The following ALK variants were observed in gnomAD, a reference collection of about 807,000 sequenced individuals.
The protein encoded by ALK is ALK receptor tyrosine kinase.
In ALK, 74 loss-of-function variants were observed where a neutral mutation model predicts 163.1. The ratio of observed to expected loss-of-function variants is 0.45; its 90% CI spans 0.38 to 0.55. The LOEUF is 0.55. ALK is among the 20% of genes least tolerant of loss of function. The pLI, the probability that ALK is intolerant of heterozygous loss-of-function variation, is 0.00. For synonymous variants in ALK, 960 were observed against 843.2 expected, an observed-to-expected ratio of 1.14 and a Z score of -2.40; for missense variants, 2,063 against 2,105.3, an observed-to-expected ratio of 0.98 and a Z score of 0.39.
chr2:29,703,582 T>C (rs902629661), intron 2 of ALK, among the ~76,000 whole-genome samples: 2 of 152,206 alleles, frequency 1.3e-5, no homozygotes, highest in African/African-American at 2.4e-5. Flanking sequence ...CCAAAGCACA[T>C]TGGCTGATTC....
At chr2:29,355,768 A>T (rs1439342482) in intron 5 of ALK, among the ~76,000 whole-genome samples, 1 of 151,610 alleles carries the variant, frequency 6.6e-6, no homozygotes, top group African/African-American at 2.4e-5. Flanking sequence ...CTTGCTCCAC[A>T]CTCTGTCCAT....
chr2:29,523,455 G>A (rs996659277), intron 4 of ALK, among the ~76,000 whole-genome samples: 1 of 152,146 alleles, frequency 6.6e-6, no homozygotes, highest in African/African-American at 2.4e-5. Flanking sequence ...GCCTGGGACT[G>A]AGCATGACTC....
chr2:29,428,219 C>T (rs1004882029), intron 4 of ALK, among the ~76,000 whole-genome samples: 2 of 151,678 alleles, frequency 1.3e-5, no homozygotes, highest in Admixed American at 6.6e-5. Flanking sequence ...CCTTAAGATA[C>T]CAGAAAAATA....
Position 29,334,541 on chromosome 2 carries a change from T to C in ALK, c.1283-6060A>G, listed in dbSNP as rs1276760005. Among the ~76,000 whole-genome samples, 18 of 152,332 alleles carry C rather than the reference T, an allele frequency of 1.2e-4. No individual in the cohort carries two copies. The South Asian group carries it at 3.5e-3, about 30-fold the overall frequency. Reference sequence around the variant, plus strand: ...GGCATGGAAGGTCAGGCTGTCAGCATCCCTGCCCTTCACCCACACACCTTG... The same window carrying C: ...GGCATGGAAGGTCAGGCTGTCAGCACCCCTGCCCTTCACCCACACACCTTG... On this transcript the variant is annotated intron_variant, in intron 5 of 28. Transcript: ENST00000389048.
chr2:29,675,106 C>T (rs1285713665), intron 3 of ALK, among the ~76,000 whole-genome samples: 1 of 151,846 alleles, frequency 6.6e-6, no homozygotes, highest in African/African-American at 2.4e-5. Context: ...AGGACATTTT[C>T]TATGCCTAAA....
At chr2:29,869,014 C>T (rs1427740083) in intron 1 of ALK, among the ~76,000 whole-genome samples, 3 of 152,214 alleles carry the variant, frequency 2.0e-5, no homozygotes, top group Non-Finnish European at 4.4e-5. Flanking sequence ...CTGATAGCTA[C>T]TGCTGACCAG....
chr2:29,691,748 C>T lies in ALK; in HGVS notation c.952+3102G>A, dbSNP rs563517861. On this transcript the variant is annotated intron_variant, in intron 3 of 28. Coordinates refer to ENST00000389048, the MANE Select transcript of ALK (RefSeq NM_004304.5). Reference sequence around the variant, plus strand: ...ACTCAGTGTATTGTGCGCATGTCAGCGATCACAGGTGGAGGAGGAGAAACA... The same window carrying T: ...ACTCAGTGTATTGTGCGCATGTCAGTGATCACAGGTGGAGGAGGAGAAACA... Among the ~76,000 whole-genome samples the T allele has an allele frequency of 8.5e-5, 13 of 152,180 alleles. No individual in the cohort carries two copies. In the East Asian group the frequency reaches 1.9e-3, roughly 23 times the overall value.
intron 2 of ALK, 34 bp from the exon 3 acceptor site, chr2:29,695,048 CA>C: frequency 1.9e-6 from 3 of 1,613,638 alleles, no homozygotes; most frequent in Non-Finnish European, 2.5e-6. Flanking sequence ...TGGAAAAAAC[CA>C]TTTCCCAAAC....
intron 1 of ALK, among the ~76,000 whole-genome samples, chr2:29,871,093 C>T (rs561952264): frequency 1.3e-5 from 2 of 152,262 alleles, no homozygotes; most frequent in South Asian, 2.1e-4. Context: ...CTGGTCAACA[C>T]GCATGAACCT....
At chr2:29,847,022 T>C (rs1315544848) in intron 1 of ALK, among the ~76,000 whole-genome samples, 1 of 152,094 alleles carries the variant, frequency 6.6e-6, no homozygotes, top group African/African-American at 2.4e-5. Flanking sequence ...CCTGCCACAG[T>C]TGCCATCACC....
intron 2 of ALK, among the ~76,000 whole-genome samples, chr2:29,714,922 C>T (rs1347606843): frequency 6.6e-6 from 1 of 152,174 alleles, no homozygotes; most frequent in Non-Finnish European, 1.5e-5. Flanking sequence ...CTGTCTTTAG[C>T]TTGTTCTGCA....
At chr2:29,318,204 C>T (rs368293343) in intron 8 of ALK, 100 bp downstream of exon 8, 162 of 977,026 alleles carry the variant, frequency 1.7e-4, no homozygotes, top group Middle Eastern at 8.3e-4. Flanking sequence ...CCCAGGAGAA[C>T]GACCAGCCCA....
At chr2:29,785,119 C>T (rs1399065958) in intron 1 of ALK, among the ~76,000 whole-genome samples, 1 of 152,142 alleles carries the variant, frequency 6.6e-6, no homozygotes, top group Admixed American at 6.5e-5. Flanking sequence ...TGGGCCTACA[C>T]TCTGGCCACA....
rs541951087 is a variant in ALK at position 29,785,210 on chromosome 2, T to C, written c.668-67513A>G. Among the ~76,000 whole-genome samples the C allele has an allele frequency of 2.0e-5, 3 of 152,026 alleles. No homozygotes were observed. The South Asian group carries it at 6.3e-4, about 32-fold the overall frequency. On this transcript the variant is annotated intron_variant, in intron 1 of 28. Transcript: ENST00000389048. ...ATCCTGGTGCACGTAAGCTCATGGG[T>C]ACAAGGAGTTAGACACAAGCAGAGG...
chr2:29,810,315 G>A (rs1167752797), intron 1 of ALK, among the ~76,000 whole-genome samples: 3 of 151,704 alleles, frequency 2.0e-5, no homozygotes, highest in African/African-American at 4.8e-5. Flanking sequence ...CCAGCTACTC[G>A]GGAGGCTGAG....
At chr2:29,764,967 C>T (rs769981392) in intron 1 of ALK, among the ~76,000 whole-genome samples, 7 of 152,194 alleles carry the variant, frequency 4.6e-5, no homozygotes, top group East Asian at 1.9e-4. Flanking sequence ...AGTGAGTTCT[C>T]GTGAGATCTG....
intron 1 of ALK, among the ~76,000 whole-genome samples, chr2:29,850,498 T>C (rs973030815): frequency 6.6e-6 from 1 of 152,196 alleles, no homozygotes; most frequent in South Asian, 2.1e-4. Context: ...AGCCAGCAAC[T>C]CTCAGGGATG....
At chr2:29,769,520 G>A (rs1466175896) in intron 1 of ALK, among the ~76,000 whole-genome samples, 1 of 152,134 alleles carries the variant, frequency 6.6e-6, no homozygotes, top group African/African-American at 2.4e-5. Context: ...GAGTGCACCA[G>A]TATCTGAGCC....
At chr2:29,239,110 C>T (rs140201838) in intron 13 of ALK, among the ~76,000 whole-genome samples, 16 of 152,284 alleles carry the variant, frequency 1.1e-4, no homozygotes, top group African/African-American at 3.8e-4. Flanking sequence ...CAAAAGGTTG[C>T]ACTTGCTAAG....
Sources: gnomAD v4.1 joint callset for allele counts (sites outside exome capture counted in the v4.1 genomes callset) on GRCh38, gnomAD v4.1.1 for gene constraint, MANE v1.5 for transcripts, NCBI Gene and HGNC (gene_info 2026-07-23, HGNC 2026-07-21) for gene names.